Variants in CCDC198 observed in about 807,000 individuals in gnomAD.
CCDC198 encodes coiled-coil domain containing 198.
In CCDC198, 18 loss-of-function variants were observed where a neutral mutation model predicts 35.6. The observed-to-expected ratio is 0.51, with a 90% confidence interval of 0.35 to 0.75. CCDC198 has a LOEUF of 0.75. Ranked by LOEUF, CCDC198 falls within the 30% of genes least tolerant of loss-of-function variation. The probability of loss-of-function intolerance (pLI) is 0.01; values close to 1 mark genes in which losing one functional copy is unlikely to be tolerated. For missense variants in CCDC198, 365 were observed against 343.7 expected (o/e 1.06, Z -0.49); for synonymous variants, 119 against 113.4 (o/e 1.05, Z -0.31).
chr14:57,471,696 A>G, intron 5 of CCDC198, 106 bp from the exon 6 acceptor site: 1 of 377,786 alleles, frequency 2.6e-6, no homozygotes, highest in Non-Finnish European at 4.6e-6. Flanking sequence ...TTCAAACTAT[A>G]TATACATAGT....
intron 5 of CCDC198, chr14:57,480,309 C>T (rs1286359616): frequency 1.0e-6 from 1 of 985,086 alleles, no homozygotes; most frequent in African/African-American, 1.7e-5. Flanking sequence ...GCTATTTTGC[C>T]TTTTCTGCTT....
At position 57,483,083 on chromosome 14, in the gene CCDC198, C is replaced by T. The variant is rs755222944; in HGVS notation, c.375G>A (p.Arg125=). The T allele has an allele frequency of 5.0e-6, 8 of 1,614,074 alleles. No homozygotes were observed. The highest frequency in any genetic ancestry group is 6.8e-6 in the Non-Finnish European group (8 of 1,179,964). Residue 125 remains arginine (R), a synonymous_variant, in exon 3 of 6, where the codon AGG becomes AGA. Transcript: ENST00000216445. ...SGRLLSQREA[R]TMHKAKQVLE... is the part of the protein sequence containing the mutation. ...AGCTCACCTTTGCTTTGTGCATTGT[C>T]CTGGCTTCTCGCTGGCTCAGGAGTC...
intron 5 of CCDC198, among the ~76,000 whole-genome samples, chr14:57,474,160 G>A (rs1352634552): frequency 6.6e-6 from 1 of 152,186 alleles, no homozygotes; most frequent in South Asian, 2.1e-4. Flanking sequence ...ACAATGAAAC[G>A]ACCACACAAT....
Position 57,471,321 on chromosome 14 carries a change from A to G in CCDC198, c.*34T>C. On this transcript the variant is annotated 3_prime_UTR_variant, in exon 6 of 6. Transcript: ENST00000216445. Reference sequence around the variant, plus strand: ...ATTTTGAGAGTAAAACAAGCTTTCAAAGCACTCAGTTTCTAGGTTAATGAA... The same window carrying G: ...ATTTTGAGAGTAAAACAAGCTTTCAGAGCACTCAGTTTCTAGGTTAATGAA... 2.7e-6 allele frequency: 4 copies of G among 1,509,238 alleles called. No homozygotes were observed. The highest frequency in any genetic ancestry group is 1.2e-5 in the South Asian group (1 of 85,208). The allele number at this position is 1,509,238 out of a possible 1,614,324, so 93.5% of individuals were successfully genotyped here.
At chr14:57,475,788 CTTTTTTTTTTTTTTTTTT>C (rs548486752) in intron 5 of CCDC198, 4,560 of 109,042 alleles carry the variant, frequency 0.042, 329 homozygotes, top group African/African-American at 0.2. Context: ...CACTTAGCTT[CTTTTTTTTTTTTTTTTTT>C]TTTTTTTTTT....
Position 57,471,533 on chromosome 14 carries a change from C to T in CCDC198, c.713G>A (p.Trp238Ter). 1.2e-6 allele frequency: 2 copies of T among 1,613,612 alleles called. No homozygotes were observed. The highest frequency in any genetic ancestry group is 1.1e-5 in the South Asian group (1 of 91,008). ...CCATGTTTCCATTTTGCCAATTTTC[C>T]AGGGACAGTAGTTATTCACTGCTTG... ...KHQAVNNYCP[W>*]KIGKMETWLH... Residue 238 changes from tryptophan to a stop codon, truncating the protein, a stop_gained, in exon 6 of 6, where the codon TGG becomes TAG. Coordinates refer to ENST00000216445, the MANE Select transcript of CCDC198 (RefSeq NM_018168.4). LOFTEE classifies it high-confidence loss of function.
chr14:57,472,747 T>C (rs904087965), intron 5 of CCDC198, among the ~76,000 whole-genome samples: 2 of 152,242 alleles, frequency 1.3e-5, no homozygotes, highest in Admixed American at 1.3e-4. Context: ...ACCTTAGTTT[T>C]TTATTTAAGC....
At chr14:57,489,068 C>G (rs922902777) in intron 2 of CCDC198, among the ~76,000 whole-genome samples, 1 of 151,926 alleles carries the variant, frequency 6.6e-6, no homozygotes, top group African/African-American at 2.4e-5. Context: ...AAAGATACAT[C>G]GATGCATATG....
intron 5 of CCDC198, chr14:57,475,801 T>C: frequency 3.5e-6 from 1 of 282,554 alleles, no homozygotes; most frequent in Non-Finnish European, 6.4e-6. Flanking sequence ...TTTTTTTTTT[T>C]TTTTTTTTTT....
rs200004163 is a variant in CCDC198, at chr14:57,480,659, G to A, written c.591C>T (p.Thr197=). Residue 197 remains threonine (T), a synonymous_variant, in exon 5 of 6, where the codon ACC becomes ACT. Transcript: ENST00000216445. Reference sequence around the variant, plus strand: ...GAAGGTCATGGTCATCATTCCTTGGGGTGCTTTGAAGGGTTTTCTTGGCTT... The same window carrying A: ...GAAGGTCATGGTCATCATTCCTTGGAGTGCTTTGAAGGGTTTTCTTGGCTT... The part of the protein sequence containing the change: ...DHKAKKTLQS[T]PRNDDHDLLT... 1.2e-5 allele frequency: 19 copies of A among 1,614,048 alleles called. No individual in the cohort carries two copies. The highest frequency in any genetic ancestry group is 1.5e-5 in the Non-Finnish European group (18 of 1,179,988).
In CCDC198 at chr14:57,469,690, G is replaced by T. The variant is rs1019603694; in HGVS notation, c.*1665C>A. On this transcript the variant is annotated 3_prime_UTR_variant, in exon 6 of 6. Coordinates refer to ENST00000216445, the MANE Select transcript of CCDC198 (RefSeq NM_018168.4). ...ATGCTTCTTACCTACCACAGAAAAA[G>T]TAAGAAGACTACTCACAAAGAACTG... The T allele has an allele frequency of 2.0e-5, 3 of 152,176 alleles. No homozygotes were observed. Among genetic ancestry groups the T allele is most frequent in the Non-Finnish European group, 2.9e-5 (2 of 68,030 alleles). 9.4% of individuals were successfully genotyped at this position (152,176 alleles called of 1,614,324 possible). A position where few individuals can be genotyped will look rare whatever the true frequency, so the allele number is the denominator to read the frequency against.
chr14:57,475,036 C>A (rs537047082), intron 5 of CCDC198, among the ~76,000 whole-genome samples: 16 of 152,158 alleles, frequency 1.1e-4, no homozygotes, highest in Non-Finnish European at 2.1e-4. Context: ...CCGAGGCGGG[C>A]GGATCACGAG....
At position 57,471,077 on chromosome 14, in the gene CCDC198, G is replaced by A. The variant is rs536208551; in HGVS notation, c.*278C>T. 5.1e-5 allele frequency: 16 copies of A among 312,018 alleles called. No homozygotes were observed. Among genetic ancestry groups the A allele is most frequent in the Non-Finnish European group, 7.7e-5 (13 of 168,784 alleles). 19.3% of individuals were successfully genotyped at this position (312,018 alleles called of 1,614,324 possible). A position where few individuals can be genotyped will look rare whatever the true frequency, so the allele number is the denominator to read the frequency against. ...CAATGACATGAAAGATTTCAAAAGG[G>A]AACAGCAGAAGAACCACCTAGCTGA... On this transcript the variant is annotated 3_prime_UTR_variant, in exon 6 of 6. Transcript: ENST00000216445.
intron 1 of CCDC198, among the ~76,000 whole-genome samples, chr14:57,491,493 A>G (rs1159250992): frequency 6.6e-6 from 1 of 152,162 alleles, no homozygotes; most frequent in Admixed American, 6.6e-5. Context: ...ATCTTCTTAG[A>G]TGAAATAGAT....
At chr14:57,478,923 GCT>G (rs1442685133) in intron 5 of CCDC198, 3 of 1,263,208 alleles carry the variant, frequency 2.4e-6, no homozygotes, top group African/African-American at 3.1e-5. Context: ...CTTTTCTGCA[GCT>G]CTCTCAGCGG....
At chr14:57,476,324 G>T (rs28416978) in intron 5 of CCDC198, among the ~76,000 whole-genome samples, 2 of 152,034 alleles carry the variant, frequency 1.3e-5, no homozygotes, top group African/African-American at 4.8e-5. Flanking sequence ...CATGTGTCAG[G>T]TACTATTCTA....
chr14:57,479,074 G>A, intron 5 of CCDC198: 2 of 1,225,612 alleles, frequency 1.6e-6, no homozygotes, highest in Non-Finnish European at 2.1e-6. Flanking sequence ...AATTGGTGGG[G>A]CAATGTAGCG....
rs1027258421 is a variant in CCDC198, at chr14:57,470,239, G to C, written c.*1116C>G. 1 of 152,182 alleles carries C rather than the reference G, an allele frequency of 6.6e-6. No individual in the cohort carries two copies. The highest frequency in any genetic ancestry group is 2.1e-4 in the South Asian group (1 of 4,832). 9.4% of individuals were successfully genotyped at this position (152,182 alleles called of 1,614,324 possible). On this transcript the variant is annotated 3_prime_UTR_variant, in exon 6 of 6. Transcript: ENST00000216445. ...GTTAGCTCACTAGAAAGTGACCTAA[G>C]TGAGCTTAGTGTTTAATGCAGCATT...
At chr14:57,490,809 C>G in intron 2 of CCDC198, 180 bp downstream of exon 2, 4 of 622,816 alleles carry the variant, frequency 6.4e-6, no homozygotes, top group Non-Finnish European at 1.1e-5. Flanking sequence ...AAAGCGAAAT[C>G]ATTGCTAAAG....
Sources: allele counts gnomAD v4.1 joint callset (sites outside exome capture counted in the v4.1 genomes callset), GRCh38; gene constraint gnomAD v4.1.1; transcripts MANE v1.5; gene names NCBI Gene and HGNC (gene_info 2026-07-23, HGNC 2026-07-21).